CFAP47: variants seen among roughly 807,000 people sequenced by gnomAD.
The protein encoded by CFAP47 is cilia- and flagella-associated protein 47.
CFAP47 carries 29 observed loss-of-function variants against 148.1 expected under a neutral mutation model. The ratio of observed to expected loss-of-function variants is 0.20; its 90% CI spans 0.15 to 0.27. CFAP47 has a LOEUF of 0.27. Ranked by LOEUF, CFAP47 falls within the 10% of genes least tolerant of loss-of-function variation. The pLI is 1.00. For missense variants in CFAP47, 1,872 were observed against 1,697.5 expected, an observed-to-expected ratio of 1.10 and a Z score of -1.81; for synonymous variants, 664 against 577.3, an observed-to-expected ratio of 1.15 and a Z score of -2.15.
At chrX:36,027,114 TTA>T (rs1231700690) in intron 22 of CFAP47, among the ~76,000 whole-genome samples, 7 of 80,103 alleles carry the variant, frequency 8.7e-5, no homozygotes, top group Admixed American at 3.3e-4. Flanking sequence ...ATATATGTGA[TTA>T]TATATATATG....
intron 2 of CFAP47, among the ~76,000 whole-genome samples, chrX:35,933,457 A>C (rs1935861769): frequency 8.9e-6 from 1 of 111,962 alleles, no homozygotes; most frequent in African/African-American, 3.2e-5. Flanking sequence ...TTTCTTTATC[A>C]GTTCATCTGT....
At position 36,371,561 on chromosome X, in the gene CFAP47, GTA is replaced by G. The variant is rs1222992904; in HGVS notation, c.9185+4442_9185+4443del. Among the ~76,000 whole-genome samples the G allele has an allele frequency of 7.0e-5, 7 of 100,389 alleles. No individual in the cohort carries two copies. In the South Asian group the frequency reaches 1.5e-3, roughly 21 times the overall value. 87.2% of individuals were successfully genotyped at this position (100,389 alleles called of 115,157 possible). ...TGTATACATATGTGTATATATATGT[GTA>G]TATATATGTGTGTATATATATGTGT... On this transcript the variant is annotated intron_variant, in intron 62 of 63. Transcript: ENST00000378653.
intron 30 of CFAP47, among the ~76,000 whole-genome samples, chrX:36,096,597 C>A (rs67632887): frequency 0.12 from 13,191 of 109,948 alleles, 764 homozygotes; most frequent in East Asian, 0.27. Context: ...TATATAATGA[C>A]CTTCTTTGTT....
At chrX:36,285,384 T>C (rs956932788) in intron 50 of CFAP47, among the ~76,000 whole-genome samples, 10 of 111,793 alleles carry the variant, frequency 8.9e-5, no homozygotes, top group African/African-American at 1.3e-4. Flanking sequence ...ACTTAATGAG[T>C]TACTGGCATA....
chrX:36,031,129 A>C (rs1937274013), intron 22 of CFAP47, 124 bp from the exon 23 acceptor site: 2 of 256,679 alleles, frequency 7.8e-6, no homozygotes, highest in Admixed American at 6.7e-5. Context: ...TCTGGTTGGG[A>C]ATATAAAAAT....
chrX:36,377,434 G>A (rs1346172503), intron 62 of CFAP47, among the ~76,000 whole-genome samples: 1 of 112,257 alleles, frequency 8.9e-6, no homozygotes, highest in African/African-American at 3.2e-5. Context: ...TTTGAGAAGT[G>A]TCTGTTTGTA....
intron 60 of CFAP47, among the ~76,000 whole-genome samples, chrX:36,354,253 G>A (rs1432680416): frequency 1.2e-4 from 13 of 110,463 alleles, no homozygotes; most frequent in Non-Finnish European, 2.3e-4. Flanking sequence ...AGGTCAAGGC[G>A]GGAGGATCAC....
chrX:35,936,630 G>A (rs1429012899), intron 2 of CFAP47, among the ~76,000 whole-genome samples: 1 of 110,051 alleles, frequency 9.1e-6, no homozygotes, highest in African/African-American at 3.3e-5. Context: ...GAGACTCTGG[G>A]TCTTATTTAA....
chrX:36,055,221 T>C lies in CFAP47; in HGVS notation c.4217+8158T>C, dbSNP rs770781340. On this transcript the variant is annotated intron_variant, in intron 26 of 63. Coordinates refer to ENST00000378653, the MANE Select transcript of CFAP47 (RefSeq NM_001304548.2). ...GTGCAGGATGCGCAGGCTTGTTACA[T>C]AGACAAATGTGTGCCATGGTGGTTT... 2.7e-5 allele frequency among the ~76,000 whole-genome samples: 3 copies of C among 110,785 alleles called. No individual in the cohort carries two copies. In the East Asian group the frequency reaches 8.5e-4, roughly 31 times the overall value.
intron 60 of CFAP47, among the ~76,000 whole-genome samples, chrX:36,355,066 C>G (rs1418992779): frequency 9.0e-6 from 1 of 110,662 alleles, no homozygotes; most frequent in African/African-American, 3.3e-5. Flanking sequence ...AAGCAAAATA[C>G]TTGAATAGAC....
At chrX:36,158,144 C>T (rs188190875) in intron 37 of CFAP47, among the ~76,000 whole-genome samples, 199 of 112,016 alleles carry the variant, frequency 1.8e-3, no homozygotes, top group African/African-American at 6.0e-3. Flanking sequence ...AAAGTTCTGG[C>T]GCAATTAGGT....
At chrX:36,350,007 G>C in intron 58 of CFAP47, 31 bp from the exon 59 acceptor site, 1 of 901,793 alleles carries the variant, frequency 1.1e-6, no homozygotes, top group Non-Finnish European at 1.6e-6. Flanking sequence ...TTCTCCTTTT[G>C]TTCCCTCTTA....
At chrX:36,178,038 G>T (rs1195348573) in intron 39 of CFAP47, among the ~76,000 whole-genome samples, 1 of 111,746 alleles carries the variant, frequency 8.9e-6, no homozygotes, top group Non-Finnish European at 1.9e-5. Flanking sequence ...GCAAAAACAT[G>T]AAAACAGCTG....
At chrX:36,062,532 G>T (rs986253316) in intron 26 of CFAP47, among the ~76,000 whole-genome samples, 1 of 111,586 alleles carries the variant, frequency 9.0e-6, no homozygotes, top group African/African-American at 3.3e-5. Context: ...CTTATTTAAT[G>T]AATTGTATGT....
intron 58 of CFAP47, among the ~76,000 whole-genome samples, chrX:36,348,659 A>T (rs782107791): frequency 9.0e-6 from 1 of 110,836 alleles, no homozygotes; most frequent in South Asian, 3.8e-4. Context: ...GGACAACCTA[A>T]AACAGCTTGT....
chrX:36,046,211 AT>A (rs2146732700), intron 25 of CFAP47, among the ~76,000 whole-genome samples: 1 of 110,703 alleles, frequency 9.0e-6, no homozygotes, highest in Admixed American at 9.7e-5. Flanking sequence ...ACAAAGTAAT[AT>A]GATTAAATAT....
intron 33 of CFAP47, among the ~76,000 whole-genome samples, chrX:36,108,223 CCTT>C (rs1938496202): frequency 9.0e-6 from 1 of 111,111 alleles, no homozygotes; most frequent in Admixed American, 9.7e-5. Context: ...TTGATATTTT[CCTT>C]CTTCTGTCTT....
chrX:36,271,590 T>C (rs1940959736), intron 49 of CFAP47, among the ~76,000 whole-genome samples: 1 of 111,692 alleles, frequency 9.0e-6, no homozygotes, highest in Non-Finnish European at 1.9e-5. Flanking sequence ...TTTATGAAAA[T>C]GCATATTATG....
At chrX:36,155,816 C>T (rs764582973) in intron 37 of CFAP47, among the ~76,000 whole-genome samples, 36 of 110,886 alleles carry the variant, frequency 3.2e-4, no homozygotes, top group Non-Finnish European at 5.5e-4. Flanking sequence ...TAAGGATGAC[C>T]GCCTCAATTT....
Sources: allele counts gnomAD v4.1 joint callset (sites outside exome capture counted in the v4.1 genomes callset), GRCh38; gene constraint gnomAD v4.1.1; transcripts MANE v1.5; gene names NCBI Gene and HGNC (gene_info 2026-07-23, HGNC 2026-07-21).